Variants in ARHGAP24 observed in about 807,000 individuals in gnomAD.
ARHGAP24 encodes Rho GTPase activating protein 24, also known as rho GTPase-activating protein 24.
Under a neutral mutation model 76.4 loss-of-function variants are expected in ARHGAP24, and 50 were observed. The ratio of observed to expected loss-of-function variants is 0.65; its 90% CI spans 0.52 to 0.83. ARHGAP24 has a LOEUF of 0.83. Ranked by LOEUF, ARHGAP24 falls within the 40% of genes least tolerant of loss-of-function variation. ARHGAP24 has a pLI of 0.00. For synonymous variants in ARHGAP24, 345 were observed against 323.3 expected, an observed-to-expected ratio of 1.07 and a Z score of -0.72; for missense variants, 930 against 914.2, an observed-to-expected ratio of 1.02 and a Z score of -0.22.
At chr4:85,963,467 T>C (rs372812370) in intron 5 of ARHGAP24, among the ~76,000 whole-genome samples, 2 of 152,122 alleles carry the variant, frequency 1.3e-5, no homozygotes, top group Admixed American at 6.6e-5. Context: ...TGAATGCATA[T>C]GTTGTACAAA....
chr4:85,951,602 A>G (rs1050674003), intron 5 of ARHGAP24, among the ~76,000 whole-genome samples: 1 of 152,180 alleles, frequency 6.6e-6, no homozygotes, highest in African/African-American at 2.4e-5. Context: ...TAGCCTCAAA[A>G]TGATAAAAAT....
chr4:85,698,532 A>G (rs1473499142), intron 2 of ARHGAP24, among the ~76,000 whole-genome samples: 2 of 152,212 alleles, frequency 1.3e-5, no homozygotes, highest in Non-Finnish European at 2.9e-5. Context: ...TCACATTTGT[A>G]AAGTTTCAAC....
intron 3 of ARHGAP24, among the ~76,000 whole-genome samples, chr4:85,886,083 G>T (rs879391729): frequency 4.5e-4 from 69 of 152,170 alleles, no homozygotes; most frequent in Admixed American, 5.2e-4. Context: ...TGAAGAGATT[G>T]TATCCAGATT....
intron 1 of ARHGAP24, among the ~76,000 whole-genome samples, chr4:85,522,670 T>C (rs1409612693): frequency 6.6e-6 from 1 of 152,188 alleles, no homozygotes; most frequent in Non-Finnish European, 1.5e-5. Context: ...AGAGTGATGC[T>C]CAAAGAGCTT....
At chr4:85,916,977 A>G (rs1206709210) in intron 3 of ARHGAP24, among the ~76,000 whole-genome samples, 1 of 152,108 alleles carries the variant, frequency 6.6e-6, no homozygotes, top group African/African-American at 2.4e-5. Context: ...TTAGTTACAT[A>G]TGTATACATG....
At chr4:85,581,841 TGG>T (rs1344199176) in intron 2 of ARHGAP24, among the ~76,000 whole-genome samples, 22 of 152,108 alleles carry the variant, frequency 1.4e-4, no homozygotes, top group Non-Finnish European at 3.1e-4. Flanking sequence ...AAAATACATG[TGG>T]TGGTAAATAA....
intron 1 of ARHGAP24, among the ~76,000 whole-genome samples, chr4:85,546,275 A>G (rs183173660): frequency 1.8e-4 from 28 of 152,268 alleles, no homozygotes; most frequent in African/African-American, 4.8e-4. Flanking sequence ...AAAGAGAACA[A>G]CATATACAGG....
intron 5 of ARHGAP24, among the ~76,000 whole-genome samples, chr4:85,958,074 C>A (rs1197367666): frequency 6.6e-6 from 1 of 152,156 alleles, no homozygotes; most frequent in Non-Finnish European, 1.5e-5. Flanking sequence ...TGTTTGTCTA[C>A]TTATTTGCAA....
intron 2 of ARHGAP24, among the ~76,000 whole-genome samples, chr4:85,644,866 T>A (rs766564732): frequency 2.0e-5 from 3 of 152,106 alleles, no homozygotes; most frequent in Non-Finnish European, 2.9e-5. Flanking sequence ...TAAAATCTCA[T>A]TAAATTGTCA....
chr4:85,924,792 A>C (rs1360391504), intron 4 of ARHGAP24: 1 of 152,210 alleles, frequency 6.6e-6, no homozygotes, highest in Non-Finnish European at 1.5e-5. Context: ...ATATTTTACT[A>C]GATTAATGGC....
At chr4:85,924,187 A>C (rs1735890947) in intron 4 of ARHGAP24, among the ~76,000 whole-genome samples, 1 of 152,162 alleles carries the variant, frequency 6.6e-6, no homozygotes, top group South Asian at 2.1e-4. Context: ...GGAATGCCAA[A>C]ACTTTTGATA....
At chr4:85,518,503 T>C (rs2110109724) in intron 1 of ARHGAP24, among the ~76,000 whole-genome samples, 1 of 152,244 alleles carries the variant, frequency 6.6e-6, no homozygotes, top group South Asian at 2.1e-4. Flanking sequence ...TGTAGTCTTT[T>C]ATGCCCCACC....
chr4:85,946,260 C>T (rs1355515466), intron 5 of ARHGAP24, among the ~76,000 whole-genome samples: 6 of 152,082 alleles, frequency 3.9e-5, no homozygotes, highest in Non-Finnish European at 7.4e-5. Context: ...TATCATATTC[C>T]CTCATTTTTA....
At chr4:85,499,525 A>G (rs1723715063) in intron 1 of ARHGAP24, among the ~76,000 whole-genome samples, 1 of 152,234 alleles carries the variant, frequency 6.6e-6, no homozygotes, top group Non-Finnish European at 1.5e-5. Flanking sequence ...ATTTGAAGCT[A>G]TGAAAAATTA....
chr4:85,942,028 TA>T (rs1560733915), intron 4 of ARHGAP24, 37 bp from the exon 5 acceptor site: 1 of 1,596,698 alleles, frequency 6.3e-7, no homozygotes, highest in Admixed American at 1.7e-5. Context: ...TGGGAAGAGA[TA>T]AATTTCCCAA....
intron 4 of ARHGAP24, among the ~76,000 whole-genome samples, chr4:85,940,481 A>T (rs541767780): frequency 6.6e-6 from 1 of 152,256 alleles, no homozygotes; most frequent in Admixed American, 6.5e-5. Flanking sequence ...ACTTATTGAC[A>T]TTGAACAGGA....
chr4:85,584,498 G>C (rs947993415), intron 2 of ARHGAP24, among the ~76,000 whole-genome samples: 2 of 151,222 alleles, frequency 1.3e-5, no homozygotes, highest in Non-Finnish European at 2.9e-5. Flanking sequence ...GCTAAATGAC[G>C]AGTTAATGGG....
At chr4:85,904,295 AAG>A (rs140388595) in intron 3 of ARHGAP24, among the ~76,000 whole-genome samples, 40 of 149,674 alleles carry the variant, frequency 2.7e-4, no homozygotes, top group Non-Finnish European at 2.5e-4. Flanking sequence ...AAGCAGGAGC[AAG>A]AGAGAGAGAG....
chr4:85,681,569 G>A (rs964638502), intron 2 of ARHGAP24, among the ~76,000 whole-genome samples: 1 of 152,176 alleles, frequency 6.6e-6, no homozygotes, highest in African/African-American at 2.4e-5. Context: ...AATGCATCTG[G>A]AAATCACAAG....
Sources: gnomAD v4.1 joint callset for allele counts (sites outside exome capture counted in the v4.1 genomes callset) on GRCh38, gnomAD v4.1.1 for gene constraint, MANE v1.5 for transcripts, NCBI Gene and HGNC (gene_info 2026-07-23, HGNC 2026-07-21) for gene names.